PCDHA6: variants seen among roughly 807,000 people sequenced by gnomAD.
PCDHA6 encodes the protein protocadherin alpha 6.
In PCDHA6, 55 loss-of-function variants were observed where a neutral mutation model predicts 60.3. The ratio of observed to expected loss-of-function variants is 0.91; its 90% CI spans 0.73 to 1.14. The LOEUF is 1.14. Among genes scored for constraint, PCDHA6 ranks in the 50% most tolerant of loss-of-function variants. PCDHA6 has a pLI of 0.00. For synonymous variants in PCDHA6, 652 were observed against 557.9 expected (o/e 1.17, Z -2.38); for missense variants, 1,327 against 1,256.5 (o/e 1.06, Z -0.85).
intron 1 of PCDHA6, among the ~76,000 whole-genome samples, chr5:140,974,548 G>A (rs2096631054): frequency 6.6e-6 from 1 of 152,068 alleles, no homozygotes; most frequent in South Asian, 2.1e-4. Context: ...TTTTGCTCTT[G>A]TTGCCCAGGC....
At chr5:140,956,454 A>G (rs1276644004) in intron 1 of PCDHA6, among the ~76,000 whole-genome samples, 1 of 152,212 alleles carries the variant, frequency 6.6e-6, no homozygotes, top group African/African-American at 2.4e-5. Flanking sequence ...AATTACATTT[A>G]TTGATTTGCA....
intron 1 of PCDHA6, among the ~76,000 whole-genome samples, chr5:140,937,575 T>C (rs111558133): frequency 1.8e-3 from 268 of 149,140 alleles, no homozygotes; most frequent in African/African-American, 6.4e-3. Context: ...TGGGATCGCG[T>C]CACTGCACTC....
chr5:141,009,732 A>G lies in PCDHA6; in HGVS notation c.2648A>G (p.Glu883Gly). ...AACCCCAAACAATCCGGTCCCGGTG[A>G]GTTGCCCGACAAATTCATTATCCCA... is the stretch of plus-strand genomic sequence containing the variant. Reference protein sequence around the residue: ...PGNPKQSGPGELPDKFIIPGS... With the variant: ...PGNPKQSGPGGLPDKFIIPGS... Residue 883 changes from glutamate to glycine, a missense_variant, in exon 4 of 4, where the codon GAG becomes GGG. Transcript: ENST00000529310. The G allele has an allele frequency of 6.2e-7, 1 of 1,614,168 alleles. No individual in the cohort carries two copies. Among genetic ancestry groups the G allele is most frequent in the Non-Finnish European group, 8.5e-7 (1 of 1,180,032 alleles).
At chr5:140,967,980 A>C in intron 1 of PCDHA6, 1 of 1,614,198 alleles carries the variant, frequency 6.2e-7, no homozygotes, top group South Asian at 1.1e-5. Context: ...CTGGGTCTGG[A>C]GGCCACACTG....
chr5:140,921,942 C>G (rs1025333030), intron 1 of PCDHA6, among the ~76,000 whole-genome samples: 3 of 151,730 alleles, frequency 2.0e-5, no homozygotes, highest in Non-Finnish European at 4.4e-5. Context: ...TAATTTTACA[C>G]TTGTAAAATC....
Position 140,830,456 on chromosome 5 carries a change from C to G in PCDHA6, c.2365C>G (p.Gln789Glu). The G allele has an allele frequency of 1.3e-6, 2 of 1,594,032 alleles. No homozygotes were observed. The highest frequency in any genetic ancestry group is 1.7e-6 in the Non-Finnish European group (2 of 1,168,354). ...TATTATGATGGGTAAGGCGGAGAATCAGGATTTAAATGAAGATCATGATGC... is the reference window on the plus strand; with the variant it reads ...TATTATGATGGGTAAGGCGGAGAATGAGGATTTAAATGAAGATCATGATGC... ...CPIMMGKAEN[Q>E]DLNEDHDAKP... The change falls in exon 1 of 4, where the codon CAG (glutamine) becomes GAG (glutamate). Residue 789 changes from glutamine to glutamate, a missense_variant. Physicochemically the swap from Gln to Glu is conservative, Grantham distance 29. Coordinates refer to ENST00000529310, the MANE Select transcript of PCDHA6 (RefSeq NM_018909.4).
intron 1 of PCDHA6, chr5:140,856,867 C>G (rs1554149232): frequency 6.3e-7 from 1 of 1,595,186 alleles, no homozygotes; most frequent in East Asian, 2.2e-5. Context: ...AAGGAATAAA[C>G]AAGGAAATGA....
intron 1 of PCDHA6, chr5:140,966,378 G>A: frequency 2.5e-6 from 1 of 405,124 alleles, no homozygotes; most frequent in African/African-American, 2.1e-5. Flanking sequence ...AGCAGTCCGG[G>A]TTCGCTGTCC....
chr5:140,877,737 G>A, intron 1 of PCDHA6: 6 of 1,614,176 alleles, frequency 3.7e-6, no homozygotes, highest in Non-Finnish European at 5.1e-6. Flanking sequence ...AGCAGAGGAG[G>A]CAGAGGGTGT....
intron 1 of PCDHA6, among the ~76,000 whole-genome samples, chr5:140,839,867 G>C (rs996407179): frequency 6.6e-6 from 1 of 151,988 alleles, no homozygotes; most frequent in African/African-American, 2.4e-5. Flanking sequence ...GGTGGACTTT[G>C]AAAGATGAAT....
At chr5:140,901,502 T>G (rs782679945) in intron 1 of PCDHA6, among the ~76,000 whole-genome samples, 1 of 152,182 alleles carries the variant, frequency 6.6e-6, no homozygotes, top group Non-Finnish European at 1.5e-5. Context: ...CGAAAATGAG[T>G]TCATTATAGA....
intron 1 of PCDHA6, among the ~76,000 whole-genome samples, chr5:140,832,323 T>G (rs1483891932): frequency 6.6e-6 from 1 of 152,208 alleles, no homozygotes; most frequent in Non-Finnish European, 1.5e-5. Context: ...TTAAGGGCCA[T>G]TAGAGGACTG....
At chr5:140,881,523 C>T in intron 1 of PCDHA6, 1 of 194,568 alleles carries the variant, frequency 5.1e-6, no homozygotes, top group Non-Finnish European at 9.4e-6. Context: ...AAATCCCACA[C>T]ATATTGACTG....
chr5:140,851,254 A>G (rs2150271165), intron 1 of PCDHA6: 1 of 1,091,684 alleles, frequency 9.2e-7, no homozygotes, highest in East Asian at 4.0e-5. Context: ...GATGCATAGT[A>G]TTTTAGTCTA....
At chr5:140,923,397 G>A (rs1392831353) in intron 1 of PCDHA6, among the ~76,000 whole-genome samples, 2 of 152,128 alleles carry the variant, frequency 1.3e-5, no homozygotes, top group East Asian at 3.9e-4. Flanking sequence ...GCATGGTGGT[G>A]TGTGCCTATA....
chr5:140,865,511 T>C (rs868994454), intron 1 of PCDHA6: 1 of 152,226 alleles, frequency 6.6e-6, no homozygotes, highest in African/African-American at 2.4e-5. Flanking sequence ...TCCTACTTTA[T>C]GGTGCTGGAA....
Position 140,877,166 on chromosome 5 carries a change from TGCTGGCGACTCCG to T in PCDHA6, c.2394+46688_2394+46700del, listed in dbSNP as rs2056906844. The T allele has an allele frequency of 1.9e-6, 3 of 1,613,836 alleles. No individual in the cohort carries two copies. In the East Asian group the frequency reaches 6.7e-5, roughly 36 times the overall value. On this transcript the variant is annotated intron_variant, in intron 1 of 3. Coordinates refer to ENST00000529310, the MANE Select transcript of PCDHA6 (RefSeq NM_018909.4). The stretch of plus-strand genomic sequence containing the variant: ...GACGAGAACGACAACGCGCCGGCAC[TGCTGGCGACTCCG>T]GCTGGCAGCGCAGGAGGCGCAGTTA...
chr5:140,969,351 G>A (rs1554231714), intron 1 of PCDHA6: 1 of 1,612,990 alleles, frequency 6.2e-7, no homozygotes, highest in Non-Finnish European at 8.5e-7. Flanking sequence ...TGGTCAGGGG[G>A]TCTTCTACAA....
intron 1 of PCDHA6, chr5:140,870,246 C>A: frequency 6.2e-7 from 1 of 1,614,168 alleles, no homozygotes; most frequent in Non-Finnish European, 8.5e-7. Flanking sequence ...CAGGTGTCAA[C>A]GGACAGGTGA....
Sources: gnomAD v4.1 joint callset for allele counts (sites outside exome capture counted in the v4.1 genomes callset) on GRCh38, gnomAD v4.1.1 for gene constraint, MANE v1.5 for transcripts, NCBI Gene and HGNC (gene_info 2026-07-23, HGNC 2026-07-21) for gene names.